Variants in CDKAL1 observed in about 807,000 individuals in gnomAD.
CDKAL1 encodes CDKAL1 threonylcarbamoyladenosine tRNA methylthiotransferase.
Under a neutral mutation model 68.2 loss-of-function variants are expected in CDKAL1, and 32 were observed. The ratio of observed to expected loss-of-function variants is 0.47; its 90% CI spans 0.35 to 0.63. CDKAL1 has a LOEUF of 0.63. Ranked by LOEUF, CDKAL1 falls within the 30% of genes least tolerant of loss-of-function variation. The pLI is 0.00. For synonymous variants in CDKAL1, 234 were observed against 244.3 expected, an observed-to-expected ratio of 0.96 and a Z score of 0.39; for missense variants, 606 against 696.7, an observed-to-expected ratio of 0.87 and a Z score of 1.47.
intron 4 of CDKAL1, among the ~76,000 whole-genome samples, chr6:20,599,085 C>T (rs192487924): frequency 1.2e-3 from 178 of 152,012 alleles, no homozygotes; most frequent in African/African-American, 3.8e-3. Context: ...AATATAAAGG[C>T]AAAAGTTTTT....
At chr6:20,887,843 G>T (rs1459914839) in intron 9 of CDKAL1, among the ~76,000 whole-genome samples, 1 of 150,714 alleles carries the variant, frequency 6.6e-6, no homozygotes. Flanking sequence ...GAGTAGAGTG[G>T]TATGATCATA....
chr6:20,724,679 A>G (rs974073984), intron 5 of CDKAL1, among the ~76,000 whole-genome samples: 6 of 152,308 alleles, frequency 3.9e-5, no homozygotes, highest in African/African-American at 1.2e-4. Flanking sequence ...AGCCTGTCTG[A>G]AACAGTGAGA....
chr6:20,793,237 A>G (rs1264021480), intron 8 of CDKAL1, among the ~76,000 whole-genome samples: 1 of 152,136 alleles, frequency 6.6e-6, no homozygotes, highest in African/African-American at 2.4e-5. Flanking sequence ...TGTCTACTTC[A>G]ACTTTCTCAT....
At chr6:20,894,326 A>T (rs907561132) in intron 9 of CDKAL1, among the ~76,000 whole-genome samples, 1 of 151,942 alleles carries the variant, frequency 6.6e-6, no homozygotes, top group African/African-American at 2.4e-5. Flanking sequence ...TTCCTAAATT[A>T]ACAGTGGTAA....
chr6:21,059,332 G>C (rs62404463), intron 11 of CDKAL1, among the ~76,000 whole-genome samples: 23 of 152,176 alleles, frequency 1.5e-4, no homozygotes, highest in African/African-American at 5.5e-4. Context: ...CTAGGAACTC[G>C]GTCATCTTAG....
chr6:21,091,821 C>G (rs1317734892), intron 12 of CDKAL1, among the ~76,000 whole-genome samples: 1 of 147,520 alleles, frequency 6.8e-6, no homozygotes, highest in Non-Finnish European at 1.5e-5. Flanking sequence ...TATTGAGGCT[C>G]ATACTTGACA....
At chr6:20,668,488 C>A (rs929811068) in intron 5 of CDKAL1, among the ~76,000 whole-genome samples, 1 of 152,020 alleles carries the variant, frequency 6.6e-6, no homozygotes, top group Non-Finnish European at 1.5e-5. Flanking sequence ...TGTGCTACTG[C>A]GCCAGCTTAT....
At chr6:21,067,322 T>G (rs945788886) in intron 12 of CDKAL1, among the ~76,000 whole-genome samples, 27 of 152,240 alleles carry the variant, frequency 1.8e-4, no homozygotes, top group African/African-American at 4.8e-4. Context: ...TTTGGGTTTT[T>G]GGGGATTTGT....
Position 21,138,666 on chromosome 6 carries a change from T to C in CDKAL1, c.1299+30203T>C, listed in dbSNP as rs1775742517. On this transcript the variant is annotated intron_variant, in intron 13 of 15. Coordinates refer to ENST00000274695, the MANE Select transcript of CDKAL1 (RefSeq NM_017774.3). The stretch of plus-strand genomic sequence containing the variant: ...CTTCTAAATAATTTCTTGGATAATA[T>C]GTTCAGTAGTCTAGACACTTGGAAA... Among the ~76,000 whole-genome samples, 4 of 152,212 alleles carry C rather than the reference T, an allele frequency of 2.6e-5. No individual in the cohort carries two copies. The South Asian group carries it at 8.3e-4, about 32-fold the overall frequency.
At chr6:20,967,219 GACCCTGTTTCCAAGTAATGTC>G (rs1405022712) in intron 10 of CDKAL1, among the ~76,000 whole-genome samples, 1 of 152,024 alleles carries the variant, frequency 6.6e-6, no homozygotes, top group African/African-American at 2.4e-5. Context: ...TATCTATTAA[GACCCTGTTTCCAAGTAATGTC>G]ACATTCACAG....
chr6:20,590,524 C>T (rs909279942), intron 4 of CDKAL1, among the ~76,000 whole-genome samples: 2 of 151,930 alleles, frequency 1.3e-5, no homozygotes, highest in Non-Finnish European at 2.9e-5. Flanking sequence ...CACTCCCCAA[C>T]AGCCCCCGGT....
chr6:21,125,811 T>C (rs1774979649), intron 13 of CDKAL1, among the ~76,000 whole-genome samples: 2 of 152,260 alleles, frequency 1.3e-5, no homozygotes. Context: ...GGAGCTCTCC[T>C]GTCTTCCTCT....
chr6:21,114,592 G>T (rs892836895), intron 13 of CDKAL1, among the ~76,000 whole-genome samples: 3 of 151,946 alleles, frequency 2.0e-5, no homozygotes, highest in African/African-American at 7.3e-5. Flanking sequence ...AAATTAGCCA[G>T]GTGTGGTGGC....
intron 2 of CDKAL1, among the ~76,000 whole-genome samples, chr6:20,540,325 G>A (rs1049042794): frequency 6.6e-6 from 1 of 151,522 alleles, no homozygotes; most frequent in Admixed American, 6.6e-5. Flanking sequence ...CACCCACCTC[G>A]GCCTCCCAAA....
intron 5 of CDKAL1, among the ~76,000 whole-genome samples, chr6:20,711,797 G>C (rs879872731): frequency 6.6e-6 from 1 of 152,152 alleles, no homozygotes; most frequent in Non-Finnish European, 1.5e-5. Context: ...TGCTGTAATA[G>C]CAATAGTTCA....
intron 9 of CDKAL1, among the ~76,000 whole-genome samples, chr6:20,890,211 C>G (rs189867123): frequency 2.1e-4 from 32 of 152,330 alleles, no homozygotes; most frequent in African/African-American, 7.5e-4. Flanking sequence ...CAGTTACTGC[C>G]TGATGTTTTA....
intron 4 of CDKAL1, chr6:20,599,342 A>G (rs1432731232): frequency 2.2e-6 from 1 of 452,848 alleles, no homozygotes; most frequent in East Asian, 7.0e-5. Context: ...TGGAAATAAA[A>G]TAATTTAATT....
At chr6:20,805,907 A>G (rs1204736032) in intron 8 of CDKAL1, among the ~76,000 whole-genome samples, 1 of 152,212 alleles carries the variant, frequency 6.6e-6, no homozygotes, top group Admixed American at 6.5e-5. Context: ...CAGTTGCTCA[A>G]AGAGTTGAGG....
chr6:20,983,459 G>A (rs1368291267), intron 10 of CDKAL1, among the ~76,000 whole-genome samples: 3 of 152,260 alleles, frequency 2.0e-5, no homozygotes, highest in Non-Finnish European at 2.9e-5. Context: ...AGTGGCTCAC[G>A]CCTGTGGTCC....
Sources: allele counts gnomAD v4.1 joint callset (sites outside exome capture counted in the v4.1 genomes callset), GRCh38; gene constraint gnomAD v4.1.1; transcripts MANE v1.5; gene names NCBI Gene and HGNC (gene_info 2026-07-23, HGNC 2026-07-21).